CLASP2: variants seen among roughly 807,000 people sequenced by gnomAD.
The protein encoded by CLASP2 is CLIP-associating protein 2.
Under a neutral mutation model 194.4 loss-of-function variants are expected in CLASP2, and 47 were observed. The ratio of observed to expected loss-of-function variants is 0.24; its 90% CI spans 0.19 to 0.31. The LOEUF is 0.31. Ranked by LOEUF, CLASP2 falls within the 10% of genes least tolerant of loss-of-function variation. The pLI is 1.00. For missense variants in CLASP2, 1,445 were observed against 1,823.6 expected (o/e 0.79, Z 3.78); for synonymous variants, 619 against 633.5 (o/e 0.98, Z 0.34).
intron 27 of CLASP2, among the ~76,000 whole-genome samples, chr3:33,566,112 C>T (rs1270534242): frequency 6.6e-6 from 1 of 152,154 alleles, no homozygotes; most frequent in African/African-American, 2.4e-5. Context: ...ATTGCCCTAA[C>T]ACAAAGGGTT....
In CLASP2 at chr3:33,712,055, C is replaced by G. The variant is rs189650447; in HGVS notation, c.195+5753G>C. ...AAGAAGTCATTATATAAAAAAGACA[C>G]AGGGACATGCACGTTTATAGCAGCA... On this transcript the variant is annotated intron_variant, in intron 1 of 38. Transcript: ENST00000682230. 3.5e-3 allele frequency among the ~76,000 whole-genome samples: 532 copies of G among 152,276 alleles called. 4 individuals are homozygous for G. The highest frequency in any genetic ancestry group is 0.012 in the African/African-American group (481 of 41,544).
At chr3:33,687,216 G>C in intron 4 of CLASP2, 81 bp from the exon 5 acceptor site, 1 of 840,326 alleles carries the variant, frequency 1.2e-6, no homozygotes, top group Non-Finnish European at 1.9e-6. Context: ...CTTCTTGTCT[G>C]TAGCAATATA....
rs963891830 is a variant in CLASP2, at chr3:33,597,027, A to G, written c.1925-293T>C. On this transcript the variant is annotated intron_variant, in intron 18 of 38. Coordinates refer to ENST00000682230, the MANE Select transcript of CLASP2 (RefSeq NM_001365631.1). ...TGTCCCAGCTTTGGACTTTGCCATC[A>G]TGCCAATCCCCTGCTCTAGTCTGTG... Among the ~76,000 whole-genome samples, 21 of 152,294 alleles carry G rather than the reference A, an allele frequency of 1.4e-4. 1 individual carries two copies. The highest frequency in any genetic ancestry group is 7.2e-4 in the Admixed American group (11 of 15,302).
chr3:33,705,127 T>G (rs1000515754), intron 1 of CLASP2, among the ~76,000 whole-genome samples: 1 of 152,100 alleles, frequency 6.6e-6, no homozygotes, highest in African/African-American at 2.4e-5. Context: ...TTCACAATAG[T>G]CAAAGGTGGA....
At chr3:33,571,138 C>T (rs1257347773) in intron 25 of CLASP2, among the ~76,000 whole-genome samples, 6 of 151,392 alleles carry the variant, frequency 4.0e-5, no homozygotes, top group East Asian at 2.0e-4. Flanking sequence ...CTCAGCCTCC[C>T]GAGTAGCTGG....
intron 21 of CLASP2, among the ~76,000 whole-genome samples, chr3:33,586,286 C>T (rs1275481472): frequency 6.6e-6 from 1 of 152,084 alleles, no homozygotes; most frequent in Non-Finnish European, 1.5e-5. Flanking sequence ...AGGCTCCTGC[C>T]ATCGCACCTG....
chr3:33,641,627 C>A (rs775347328), intron 8 of CLASP2, among the ~76,000 whole-genome samples: 3 of 151,898 alleles, frequency 2.0e-5, no homozygotes, highest in Non-Finnish European at 4.4e-5. Flanking sequence ...CTTTAATTAA[C>A]TGGATAGGAT....
chr3:33,693,349 T>C (rs1307122327), intron 2 of CLASP2, among the ~76,000 whole-genome samples: 1 of 152,118 alleles, frequency 6.6e-6, no homozygotes, highest in East Asian at 1.9e-4. Context: ...GCACCAAAAC[T>C]AAACATTATC....
intron 6 of CLASP2, among the ~76,000 whole-genome samples, chr3:33,678,451 A>C (rs2089233390): frequency 6.6e-6 from 1 of 152,220 alleles, no homozygotes; most frequent in Non-Finnish European, 1.5e-5. Context: ...AGCAAGAAGA[A>C]AGTGAAGTGA....
chr3:33,571,015 A>ACTTTTTTTTTTTTTTTTTTTTT (rs2063629922), intron 25 of CLASP2, among the ~76,000 whole-genome samples: 1 of 123,942 alleles, frequency 8.1e-6, no homozygotes. Flanking sequence ...GTCTCTATAA[A>ACTTTTTTTTTTTTTTTTTTTTT]TTTTTTTTTT....
chr3:33,607,475 T>C lies in CLASP2; in HGVS notation c.1449-14A>G, dbSNP rs749644568. 24 of 1,576,144 alleles carry C rather than the reference T, an allele frequency of 1.5e-5. No individual in the cohort carries two copies. The highest frequency in any genetic ancestry group is 1.7e-4 in the Middle Eastern group (1 of 5,990). ...ACGGCTGCATGTCTATAAAATAAAA[T>C]ACATCTTTAGAGTTATGATATAGCT... On this transcript the variant is annotated splice_polypyrimidine_tract_variant and intron_variant, in intron 14 of 38. Coordinates refer to ENST00000682230, the MANE Select transcript of CLASP2 (RefSeq NM_001365631.1).
chr3:33,693,577 A>G (rs1432874561), intron 2 of CLASP2, among the ~76,000 whole-genome samples: 3 of 152,194 alleles, frequency 2.0e-5, no homozygotes, highest in African/African-American at 7.2e-5. Flanking sequence ...GAGCTGTTCT[A>G]CAAATTAGAA....
intron 30 of CLASP2, 84 bp from the exon 31 acceptor site, chr3:33,544,925 A>G (rs2058916571): frequency 1.5e-5 from 14 of 952,708 alleles, no homozygotes; most frequent in Admixed American, 3.1e-5. Flanking sequence ...TCTGTTCAAT[A>G]GCACGAAGCT....
At chr3:33,596,202 A>G (rs2070311908) in intron 19 of CLASP2, among the ~76,000 whole-genome samples, 1 of 152,120 alleles carries the variant, frequency 6.6e-6, no homozygotes, top group African/African-American at 2.4e-5. Flanking sequence ...ATTGAAATTA[A>G]AAGGGCAAAG....
chr3:33,517,317 C>G, intron 34 of CLASP2, 143 bp from the exon 35 acceptor site: 2 of 612,392 alleles, frequency 3.3e-6, no homozygotes, highest in Non-Finnish European at 5.2e-6. Flanking sequence ...ATTAAGTAAT[C>G]TTCTTTTCAA....
At position 33,538,953 on chromosome 3, in the gene CLASP2, GAC is replaced by G. The variant is rs1228415475; in HGVS notation, c.3405-13_3405-12del. 1.9e-6 allele frequency: 3 copies of G among 1,543,600 alleles called. No homozygotes were observed. The highest frequency in any genetic ancestry group is 2.6e-6 in the Non-Finnish European group (3 of 1,147,228). On this transcript the variant is annotated splice_polypyrimidine_tract_variant and intron_variant, in intron 32 of 38. Transcript: ENST00000682230. ...TCATAATCAAATGCACTATGAAAAA[GAC>G]GACACTAATTTTTACTTAGGTGTAG...
intron 28 of CLASP2, among the ~76,000 whole-genome samples, chr3:33,560,201 T>C (rs1376086187): frequency 6.6e-6 from 1 of 152,078 alleles, no homozygotes; most frequent in Non-Finnish European, 1.5e-5. Context: ...GTAGACTAAA[T>C]AAAATCTTCA....
chr3:33,601,578 A>AT (rs1316744633), intron 18 of CLASP2, among the ~76,000 whole-genome samples: 2 of 151,868 alleles, frequency 1.3e-5, no homozygotes, highest in Non-Finnish European at 2.9e-5. Context: ...AATTCAAGAG[A>AT]TTTTTTTCCT....
rs1285511761 is a variant in CLASP2 at position 33,543,421 on chromosome 3, T to A, written c.3404+12A>T. 3 of 1,454,316 alleles carry A rather than the reference T, an allele frequency of 2.1e-6. No individual in the cohort carries two copies. The highest frequency in any genetic ancestry group is 1.9e-6 in the Non-Finnish European group (2 of 1,034,532). The allele number at this position is 1,454,316 out of a possible 1,614,324, so 90.1% of individuals were successfully genotyped here. On this transcript the variant is annotated intron_variant, in intron 32 of 38. Transcript: ENST00000682230. ...AAATACAAACCATCATGAAAAATCA[T>A]CCTTTTATTACCTTGGAGATAAAGT...
Sources: allele counts gnomAD v4.1 joint callset (sites outside exome capture counted in the v4.1 genomes callset), GRCh38; gene constraint gnomAD v4.1.1; transcripts MANE v1.5; gene names NCBI Gene and HGNC (gene_info 2026-07-23, HGNC 2026-07-21).